AKNA: variants seen among roughly 807,000 people sequenced by gnomAD.
AKNA encodes the protein microtubule organization protein AKNA.
In AKNA, 67 loss-of-function variants were observed where a neutral mutation model predicts 138.8. That is an observed-to-expected ratio of 0.48 (90% CI 0.40 to 0.59). AKNA has a LOEUF of 0.59. Among genes scored for constraint, AKNA ranks in the 20% least tolerant of loss-of-function variants. The pLI is 0.00. For synonymous variants in AKNA, 737 were observed against 754.4 expected, an observed-to-expected ratio of 0.98 and a Z score of 0.38; for missense variants, 1,813 against 1,880.4, an observed-to-expected ratio of 0.96 and a Z score of 0.66.
Position 114,337,324 on chromosome 9 carries a change from TG to T in AKNA, c.4068-19del. 1 of 1,424,966 alleles carries T rather than the reference TG, an allele frequency of 7.0e-7. No homozygotes were observed. Among genetic ancestry groups the T allele is most frequent in the Non-Finnish European group, 9.3e-7 (1 of 1,076,102 alleles). The allele number at this position is 1,424,966 out of a possible 1,614,324, so 88.3% of individuals were successfully genotyped here. ...CATAGTACCTGAGGAGAGAAGTGAGTGGGCTCGTTACACATGGGGAGGGCTG... is the reference window on the plus strand; with the variant it reads ...CATAGTACCTGAGGAGAGAAGTGAGTGGCTCGTTACACATGGGGAGGGCTG... On this transcript the variant is annotated intron_variant, in intron 21 of 21. Transcript: ENST00000374088.
intron 21 of AKNA, among the ~76,000 whole-genome samples, 193 bp from the exon 22 acceptor site, chr9:114,337,499 A>G (rs984133039): frequency 6.6e-6 from 1 of 152,190 alleles, no homozygotes; most frequent in Non-Finnish European, 1.5e-5. Context: ...AAGATGAAGG[A>G]AGATAACAAC....
At chr9:114,360,672 C>A (rs1314773986) in intron 9 of AKNA, among the ~76,000 whole-genome samples, 1 of 150,488 alleles carries the variant, frequency 6.6e-6, no homozygotes, top group Non-Finnish European at 1.5e-5. Flanking sequence ...CAGTGTCCCA[C>A]CCTACCCAGC....
chr9:114,367,842 T>C, intron 5 of AKNA, 145 bp from the exon 6 acceptor site: 1 of 913,378 alleles, frequency 1.1e-6, no homozygotes, highest in Non-Finnish European at 1.6e-6. Flanking sequence ...CCCCAGGAAG[T>C]GGGCTGGGTA....
intron 4 of AKNA, among the ~76,000 whole-genome samples, chr9:114,372,386 C>A (rs1381545622): frequency 6.6e-6 from 1 of 152,114 alleles, no homozygotes; most frequent in African/African-American, 2.4e-5. Context: ...AGAGGAGATA[C>A]CCCAGCTGTG....
upstream of AKNA, among the ~76,000 whole-genome samples, chr9:114,388,428 C>T (rs1834197383): frequency 6.6e-6 from 1 of 152,036 alleles, no homozygotes; most frequent in Non-Finnish European, 1.5e-5. Context: ...GACTCAACAC[C>T]ACTCCTGCCC....
Position 114,337,194 on chromosome 9 carries a change from C to A in AKNA, c.4180G>T (p.Asp1394Tyr). The A allele has an allele frequency of 6.3e-7, 1 of 1,598,344 alleles. No individual in the cohort carries two copies. The highest frequency in any genetic ancestry group is 2.3e-5 in the East Asian group (1 of 44,306). Reference protein sequence around the residue: ...HRHSIQLDLGDLEELNKALSR... With the variant: ...HRHSIQLDLGYLEELNKALSR... The stretch of plus-strand genomic sequence containing the variant: ...AGGGCCTTGTTGAGCTCCTCTAGGT[C>A]GCCCAGGTCGAGCTGGATGGAGTGC... The change falls in exon 22 of 22, where the codon GAC becomes TAC. Residue 1394 changes from aspartate to tyrosine, a missense_variant. Asp to Tyr is a radical substitution (Grantham distance 160). Coordinates refer to ENST00000374088, the MANE Select transcript of AKNA (RefSeq NM_001317950.2).
chr9:114,379,100 C>A (rs1833450590), intron 2 of AKNA, among the ~76,000 whole-genome samples: 1 of 152,226 alleles, frequency 6.6e-6, no homozygotes, highest in African/African-American at 2.4e-5. Context: ...ACCTAGGACC[C>A]AGGCCCCAGC....
chr9:114,374,659 G>C (rs995329820), intron 3 of AKNA, among the ~76,000 whole-genome samples: 7 of 152,190 alleles, frequency 4.6e-5, no homozygotes, highest in African/African-American at 1.4e-4. Context: ...TAAAATCACT[G>C]TTCCACCTAC....
intron 12 of AKNA, 140 bp downstream of exon 12, chr9:114,357,781 G>A: frequency 2.2e-6 from 3 of 1,355,148 alleles, no homozygotes; most frequent in South Asian, 1.4e-5. Context: ...TGCATGTCAG[G>A]TGGGATTGTG....
intron 12 of AKNA, 116 bp downstream of exon 12, chr9:114,357,805 G>C (rs1831609177): frequency 6.7e-7 from 1 of 1,501,010 alleles, no homozygotes; most frequent in Non-Finnish European, 8.9e-7. Context: ...GGCAGGGACA[G>C]GAGCAGCAAG....
intron 15 of AKNA, among the ~76,000 whole-genome samples, chr9:114,348,615 A>G (rs1456600214): frequency 2.0e-5 from 3 of 152,178 alleles, no homozygotes; most frequent in Non-Finnish European, 4.4e-5. Context: ...GAAACCCCCA[A>G]CATGGTCCAA....
chr9:114,372,399 C>T (rs1466640217), intron 4 of AKNA, among the ~76,000 whole-genome samples: 1 of 152,168 alleles, frequency 6.6e-6, no homozygotes, highest in African/African-American at 2.4e-5. Context: ...CAGCTGTGCT[C>T]CCCCGTGTCC....
rs146754514 is a variant in AKNA at position 114,347,772 on chromosome 9, C to A, written c.3350G>T (p.Arg1117Leu). The A allele has an allele frequency of 2.6e-6, 4 of 1,542,286 alleles. No individual in the cohort carries two copies. The South Asian group carries it at 4.8e-5, about 19-fold the overall frequency. The change falls in exon 16 of 22, where the codon CGC (arginine) becomes CTC (leucine). Residue 1117 changes from arginine (R) to leucine (L), a missense_variant. Physicochemically the swap from Arg to Leu is moderately radical, Grantham distance 102. Transcript: ENST00000374088. Reference sequence around the variant, plus strand: ...GGCTGGGGAGTCTGCTGGCCGGCCGCGGGTCCGGGCGGGGCGGTCAAAGGC... The same window carrying A: ...GGCTGGGGAGTCTGCTGGCCGGCCGAGGGTCCGGGCGGGGCGGTCAAAGGC... The part of the protein sequence containing the change: ...ASAFDRPART[R>L]GRPADSPATW...
intron 9 of AKNA, 158 bp from the exon 10 acceptor site, chr9:114,360,220 G>T (rs1181235016): frequency 2.3e-6 from 2 of 861,254 alleles, no homozygotes; most frequent in African/African-American, 1.7e-5. Context: ...AAACTATGGA[G>T]ACTGGGCTGT....
intron 1 of AKNA, 95 bp from the exon 2 acceptor site, chr9:114,381,541 C>T: frequency 8.3e-7 from 1 of 1,210,634 alleles, no homozygotes; most frequent in Non-Finnish European, 1.0e-6. Context: ...TGGAATTAGC[C>T]CCAGTTCAAC....
At chr9:114,330,865 G>A, downstream of AKNA, 6 of 1,613,134 alleles carry the variant, frequency 3.7e-6, no homozygotes, top group South Asian at 1.1e-5. Context: ...CAGATACGGT[G>A]AGGGCCAGCC....
intron 13 of AKNA, 79 bp from the exon 14 acceptor site, chr9:114,356,215 C>T (rs12379844): frequency 9.0e-5 from 121 of 1,342,190 alleles, no homozygotes; most frequent in Middle Eastern, 2.7e-4. Flanking sequence ...AGCCCCTCCA[C>T]ATGCTAACCC....
At chr9:114,350,771 G>A in intron 15 of AKNA, 88 bp downstream of exon 15, 1 of 1,422,302 alleles carries the variant, frequency 7.0e-7, no homozygotes, top group Non-Finnish European at 9.4e-7. Context: ...GAGCTGGGCA[G>A]GTCTCCACCT....
At chr9:114,340,965 G>A (rs186905969) in intron 21 of AKNA, among the ~76,000 whole-genome samples, 34 of 152,238 alleles carry the variant, frequency 2.2e-4, no homozygotes, top group African/African-American at 7.7e-4. Context: ...GGAGGAAAAC[G>A]GCCTGAAGGA....
Sources: allele counts gnomAD v4.1 joint callset (sites outside exome capture counted in the v4.1 genomes callset), GRCh38; gene constraint gnomAD v4.1.1; transcripts MANE v1.5; gene names NCBI Gene and HGNC (gene_info 2026-07-23, HGNC 2026-07-21).